ZNF473: variants seen among roughly 807,000 people sequenced by gnomAD.
The protein encoded by ZNF473 is zinc finger protein 473, also known as zinc finger protein 100 homolog.
A neutral mutation model predicts 11.1 loss-of-function variants in ZNF473; 4 were observed. That is an observed-to-expected ratio of 0.36 (90% confidence interval 0.18 to 0.82). The LOEUF is 0.82. ZNF473 is among the 40% of genes least tolerant of loss of function. The pLI, the probability that ZNF473 is intolerant of heterozygous loss-of-function variation, is 0.49. For missense variants in ZNF473, 854 were observed against 1,084.0 expected, an observed-to-expected ratio of 0.79 and a Z score of 2.98; for synonymous variants, 404 against 390.4, an observed-to-expected ratio of 1.03 and a Z score of -0.41.
intron 3 of ZNF473, 192 bp from the exon 4 acceptor site, chr19:50,041,538 C>T (rs928897280): frequency 2.4e-6 from 1 of 416,038 alleles, no homozygotes; most frequent in Non-Finnish European, 4.4e-6. Context: ...GTTTGGCTCC[C>T]TCTCCATCAC....
rs749475991 is a variant in ZNF473 at position 50,046,447 on chromosome 19, C to T, written c.2004C>T (p.His668=). The part of the protein sequence containing the change: ...SAHLSKHQLI[H]AGENPFKCSK... Reference sequence around the variant, plus strand: ...ACCTCTCAAAACATCAGTTAATTCACGCTGGAGAGAATCCCTTTAAATGTA... The same window carrying T: ...ACCTCTCAAAACATCAGTTAATTCATGCTGGAGAGAATCCCTTTAAATGTA... Residue 668 remains histidine (H), a synonymous_variant, in exon 5 of 5, where the codon CAC becomes CAT. Transcript: ENST00000270617. This position sits in a 1 kb window ranked among gnomAD's most constrained non-coding sequence, Gnocchi z 5.9. The T allele has an allele frequency of 1.4e-5, 22 of 1,614,114 alleles. No homozygotes were observed. The East Asian group carries it at 1.6e-4, about 11-fold the overall frequency.
At chr19:50,034,619 C>A (rs527802953) in intron 2 of ZNF473, among the ~76,000 whole-genome samples, 8 of 152,282 alleles carry the variant, frequency 5.3e-5, no homozygotes, top group South Asian at 2.1e-4. Context: ...AATGCACAAT[C>A]CCTTGCCCCT....
At chr19:50,027,707 G>GT (rs143780611) in intron 1 of ZNF473, among the ~76,000 whole-genome samples, 87 of 148,172 alleles carry the variant, frequency 5.9e-4, no homozygotes, top group South Asian at 1.9e-3. Flanking sequence ...GGAGAATTGT[G>GT]TTTTTTTTTT....
At chr19:50,027,143 G>T (rs929736522) in intron 1 of ZNF473, among the ~76,000 whole-genome samples, 2 of 152,010 alleles carry the variant, frequency 1.3e-5, no homozygotes, top group Non-Finnish European at 2.9e-5. Context: ...AGCTAATAGG[G>T]TGCATATTTT....
intron 2 of ZNF473, among the ~76,000 whole-genome samples, chr19:50,037,214 G>A (rs11883067): frequency 0.22 from 33,182 of 152,084 alleles, 4,345 homozygotes; most frequent in African/African-American, 0.36. Context: ...TATTTCAGTT[G>A]CTTCTTGTAG....
intron 2 of ZNF473, among the ~76,000 whole-genome samples, chr19:50,037,128 G>T (rs1978491061): frequency 6.6e-6 from 1 of 152,182 alleles, no homozygotes; most frequent in East Asian, 1.9e-4. Flanking sequence ...GGGATGGGCA[G>T]TGTAAGCCAG....
intron 4 of ZNF473, 200 bp downstream of exon 4, chr19:50,042,019 G>T (rs1978806378): frequency 2.2e-6 from 1 of 454,194 alleles, no homozygotes; most frequent in Non-Finnish European, 3.9e-6. Context: ...TCACTCTGGG[G>T]TCTCTCTACC....
At chr19:50,035,451 A>ATGTGTG (rs1600754063) in intron 2 of ZNF473, among the ~76,000 whole-genome samples, 1 of 64,852 alleles carries the variant, frequency 1.5e-5, no homozygotes, top group East Asian at 6.0e-4. Context: ...GTTCTTTCAT[A>ATGTGTG]CGTGTGTGTG....
At chr19:50,044,251 G>C (rs557719672) in intron 4 of ZNF473, among the ~76,000 whole-genome samples, 1 of 152,278 alleles carries the variant, frequency 6.6e-6, no homozygotes, top group African/African-American at 2.4e-5. Context: ...GAGGTAGGGA[G>C]GAGGTTGACT....
intron 4 of ZNF473, chr19:50,043,448 A>AAATATATATATATATAT (rs1259545565): frequency 1.9e-5 from 2 of 107,916 alleles, no homozygotes; most frequent in African/African-American, 7.9e-5. Context: ...AAAAAAAAAA[A>AAATATATATATATATAT]ATATATATAT....
At chr19:50,038,802 G>A (rs1978612040) in intron 2 of ZNF473, among the ~76,000 whole-genome samples, 1 of 152,156 alleles carries the variant, frequency 6.6e-6, no homozygotes, top group Admixed American at 6.5e-5. Context: ...GAGTTCATGG[G>A]TGTTAATTAT....
intron 2 of ZNF473, among the ~76,000 whole-genome samples, chr19:50,031,601 T>A (rs116428152): frequency 6.7e-4 from 102 of 152,206 alleles, no homozygotes; most frequent in African/African-American, 2.1e-3. Context: ...TTTCCTGCTC[T>A]AGCCTTCCAT....
chr19:50,046,037 T>C lies in ZNF473; in HGVS notation c.1594T>C (p.Cys532Arg). ...CTTCATTTGCGGCTCAACCCTGAAGTGCCACGAGAGTGTTCACGCCAGAGA... is the reference window on the plus strand; with the variant it reads ...CTTCATTTGCGGCTCAACCCTGAAGCGCCACGAGAGTGTTCACGCCAGAGA... The part of the protein sequence containing the change: ...ERFICGSTLK[C>R]HESVHAREKQ... The change falls in exon 5 of 5, where the codon TGC becomes CGC. Residue 532 changes from cysteine (C) to arginine (R), a missense_variant. By Grantham distance (180) the Cys-to-Arg change is radical. Coordinates refer to ENST00000270617, the MANE Select transcript of ZNF473 (RefSeq NM_015428.4). The surrounding 1 kb of genome is among the most constrained non-coding windows in gnomAD (Gnocchi z 5.9). The C allele has an allele frequency of 6.2e-7, 1 of 1,614,180 alleles. No homozygotes were observed. The highest frequency in any genetic ancestry group is 8.5e-7 in the Non-Finnish European group (1 of 1,180,050).
In ZNF473 at chr19:50,039,324, C is replaced by T. The variant is rs373379180; in HGVS notation, c.136+37C>T. 6 of 1,611,798 alleles carry T rather than the reference C, an allele frequency of 3.7e-6. 1 individual carries two copies. In the African/African-American group the frequency reaches 8.0e-5, roughly 22 times the overall value. ...CTGTCCCCAGGGGCCTACTCACTGCCCTGCTTGGTGATCACCCATGCTCTC... is the reference window on the plus strand; with the variant it reads ...CTGTCCCCAGGGGCCTACTCACTGCTCTGCTTGGTGATCACCCATGCTCTC... On this transcript the variant is annotated intron_variant, in intron 3 of 4. Transcript: ENST00000270617. The surrounding 1 kb of genome is among the most constrained non-coding windows in gnomAD (Gnocchi z 4.8).
chr19:50,036,063 C>A (rs1457057525), intron 2 of ZNF473, among the ~76,000 whole-genome samples: 1 of 151,486 alleles, frequency 6.6e-6, no homozygotes, highest in African/African-American at 2.4e-5. Context: ...CTCAAGTGAT[C>A]CTCCTACCTC....
At chr19:50,036,207 G>A (rs966033261) in intron 2 of ZNF473, among the ~76,000 whole-genome samples, 6 of 151,638 alleles carry the variant, frequency 4.0e-5, no homozygotes, top group East Asian at 1.9e-4. Context: ...CAGTCTGCCC[G>A]CCTCAGCCTC....
At position 50,041,813 on chromosome 19, in the gene ZNF473, A is replaced by G. The variant is rs10419911; in HGVS notation, c.220A>G (p.Ser74Gly). Reference protein sequence around the residue: ...PLAGGSPEATSPDVTETKNSP... With the variant: ...PLAGGSPEATGPDVTETKNSP... ...GGCAGGAGGAAGCCCAGAAGCAACAAGCCCTGGTGAGTGGATGGAGAGGGG... is the reference window on the plus strand; with the variant it reads ...GGCAGGAGGAAGCCCAGAAGCAACAGGCCCTGGTGAGTGGATGGAGAGGGG... Residue 74 changes from serine (S) to glycine (G), a missense_variant, in exon 4 of 5, where the codon AGC becomes GGC. Ser to Gly is a moderately conservative substitution (Grantham distance 56). Transcript: ENST00000270617. 15,813 of 1,610,698 alleles carry G rather than the reference A, an allele frequency of 9.8e-3. 1,358 individuals carry two copies. The African/African-American group carries it at 0.19, about 19-fold the overall frequency.
rs540266644 is a variant in ZNF473 at position 50,042,176 on chromosome 19, ACTT to A, written c.226+361_226+363del. 495 of 161,496 alleles carry A rather than the reference ACTT, an allele frequency of 3.1e-3. 2 individuals are homozygous for A. The highest frequency in any genetic ancestry group is 0.011 in the African/African-American group (454 of 41,672). 10.0% of individuals were successfully genotyped at this position (161,496 alleles called of 1,614,324 possible). ...CCCTGAGTGTGTTGACCCTCATTCT[ACTT>A]CTTTTACCTCCTTTCCTTCAGGCCC... On this transcript the variant is annotated intron_variant, in intron 4 of 4. Transcript: ENST00000270617.
At chr19:50,042,504 GCCT>G (rs1305578030) in intron 4 of ZNF473, 1 of 152,274 alleles carries the variant, frequency 6.6e-6, no homozygotes, top group African/African-American at 2.4e-5. Context: ...GGCCTCTGCA[GCCT>G]CCTCTTCAGC....
Sources: gnomAD v4.1 joint callset for allele counts (sites outside exome capture counted in the v4.1 genomes callset) on GRCh38, gnomAD v4.1.1 for gene constraint, Gnocchi (gnomAD v3.1) non-coding constraint, MANE v1.5 for transcripts, NCBI Gene and HGNC (gene_info 2026-07-23, HGNC 2026-07-21) for gene names.